The following ADGRL3 variants were observed in gnomAD, a reference collection of about 807,000 sequenced individuals.
The protein encoded by ADGRL3 is adhesion G protein-coupled receptor L3, also known as calcium-independent alpha-latrotoxin receptor 3.
In ADGRL3, 62 loss-of-function variants were observed where a neutral mutation model predicts 153.5. The ratio of observed to expected loss-of-function variants is 0.40; its 90% CI spans 0.33 to 0.50. ADGRL3 has a LOEUF of 0.50. Among genes scored for constraint, ADGRL3 ranks in the 20% least tolerant of loss-of-function variants. The pLI is 0.47. For missense variants in ADGRL3, 1,641 were observed against 1,859.4 expected (o/e 0.88, Z 2.16); for synonymous variants, 710 against 672.5 (o/e 1.06, Z -0.86).
chr4:61,246,048 A>G (rs139981102), intron 1 of ADGRL3, among the ~76,000 whole-genome samples: 3 of 152,086 alleles, frequency 2.0e-5, no homozygotes, highest in African/African-American at 7.2e-5. Context: ...CACCCTTATC[A>G]TCACTTTTCT....
In ADGRL3 at chr4:62,070,734, T is replaced by C; in HGVS notation, c.4458T>C (p.Asp1486=). Residue 1486 remains aspartate (D), a synonymous_variant, in exon 27 of 27, where the codon GAT becomes GAC. Transcript: ENST00000683033. ...PPPAKCGDAE[D]VYYKSMPNLG... ...CGGCCAAATGTGGTGATGCCGAAGATGTTTACTACAAAAGCATGCCAAACC... is the reference window on the plus strand; with the variant it reads ...CGGCCAAATGTGGTGATGCCGAAGACGTTTACTACAAAAGCATGCCAAACC... 2.6e-6 allele frequency: 4 copies of C among 1,551,654 alleles called. No individual in the cohort carries two copies. Among genetic ancestry groups the C allele is most frequent in the Non-Finnish European group, 1.7e-6 (2 of 1,146,970 alleles).
At chr4:62,059,037 G>C (rs1738608481) in intron 25 of ADGRL3, among the ~76,000 whole-genome samples, 1 of 152,192 alleles carries the variant, frequency 6.6e-6, no homozygotes, top group South Asian at 2.1e-4. Context: ...CAGCAAGCTA[G>C]GTTTTGTTTT....
Position 61,979,112 on chromosome 4 carries a change from A to G in ADGRL3, c.2806-451A>G, listed in dbSNP as rs578179343. Among the ~76,000 whole-genome samples the G allele has an allele frequency of 1.0e-3, 158 of 152,158 alleles. No individual in the cohort carries two copies. In the South Asian group the frequency reaches 0.026, roughly 25 times the overall value. On this transcript the variant is annotated intron_variant, in intron 17 of 26. Transcript: ENST00000683033. ...AAGGAATTGCATTTTTAATTTTAAA[A>G]CTCCTTAGATGATTCAAAAATTAGT...
intron 2 of ADGRL3, among the ~76,000 whole-genome samples, chr4:61,461,366 G>T (rs928031589): frequency 2.6e-5 from 4 of 152,058 alleles, no homozygotes; most frequent in Non-Finnish European, 4.4e-5. Context: ...ATAGCTAAAA[G>T]ACAAGATTTG....
chr4:61,748,507 C>A lies in ADGRL3; in HGVS notation c.1399+14953C>A, dbSNP rs368320085. Among the ~76,000 whole-genome samples, 463 of 152,072 alleles carry A rather than the reference C, an allele frequency of 3.0e-3. 2 individuals carry two copies. Among genetic ancestry groups the A allele is most frequent in the African/African-American group, 0.01 (425 of 41,418 alleles). On this transcript the variant is annotated intron_variant, in intron 8 of 26. Coordinates refer to ENST00000683033, the MANE Select transcript of ADGRL3 (RefSeq NM_001387552.1). ...AAACAGCATGGTACTGGTACCAAAA[C>A]AGAGATATAGATCAATGGAACAGAT...
At chr4:61,967,851 G>A (rs1238296907) in intron 17 of ADGRL3, among the ~76,000 whole-genome samples, 3 of 152,190 alleles carry the variant, frequency 2.0e-5, no homozygotes, top group African/African-American at 7.2e-5. Flanking sequence ...GAATGTCACA[G>A]ACTGGTTAAT....
intron 11 of ADGRL3, among the ~76,000 whole-genome samples, chr4:61,898,073 C>T (rs1249894379): frequency 1.3e-5 from 2 of 152,134 alleles, no homozygotes. Context: ...CCTGACCTTA[C>T]TTACCCTCCA....
chr4:61,774,765 T>A (rs1387177680), intron 8 of ADGRL3, among the ~76,000 whole-genome samples: 1 of 152,224 alleles, frequency 6.6e-6, no homozygotes, highest in Non-Finnish European at 1.5e-5. Context: ...GTTAATCTCT[T>A]ACTGTGCCTA....
rs1003064112 is a variant in ADGRL3, at chr4:61,483,641, G to A, written c.-173-13480G>A. Among the ~76,000 whole-genome samples, 3 of 152,120 alleles carry A rather than the reference G, an allele frequency of 2.0e-5. No individual in the cohort carries two copies. The South Asian group carries it at 6.2e-4, about 32-fold the overall frequency. On this transcript the variant is annotated intron_variant, in intron 2 of 26. Transcript: ENST00000683033. ...AATCCCAGCTACTCGGGAGGCTGAG[G>A]CAGGATAATTGCTTGAACTCGGGAA... is the stretch of plus-strand genomic sequence containing the variant.
chr4:61,399,320 G>T (rs1411147483), intron 2 of ADGRL3, among the ~76,000 whole-genome samples: 1 of 151,538 alleles, frequency 6.6e-6, no homozygotes, highest in African/African-American at 2.4e-5. Context: ...TTAGTAAAGT[G>T]CACTGCTTAT....
At chr4:61,455,043 A>C (rs1218553938) in intron 2 of ADGRL3, among the ~76,000 whole-genome samples, 1 of 152,186 alleles carries the variant, frequency 6.6e-6, no homozygotes, top group Non-Finnish European at 1.5e-5. Context: ...ACAAAAAAAC[A>C]ACCCAAATGA....
chr4:61,449,169 C>T (rs917618888), intron 2 of ADGRL3, among the ~76,000 whole-genome samples: 38 of 151,852 alleles, frequency 2.5e-4, no homozygotes, highest in Non-Finnish European at 5.0e-4. Context: ...CGGAGTCTCA[C>T]TCTGTCGCCA....
intron 6 of ADGRL3, among the ~76,000 whole-genome samples, chr4:61,723,827 A>G (rs751782473): frequency 1.3e-5 from 2 of 152,160 alleles, no homozygotes; most frequent in Non-Finnish European, 2.9e-5. Flanking sequence ...CTTTTTATTA[A>G]AAGAAAAAGC....
intron 5 of ADGRL3, among the ~76,000 whole-genome samples, chr4:61,629,447 G>T (rs761682919): frequency 6.6e-6 from 1 of 151,654 alleles, no homozygotes; most frequent in African/African-American, 2.4e-5. Context: ...GGCCAGGCGC[G>T]GTGGTTCACG....
intron 4 of ADGRL3, among the ~76,000 whole-genome samples, chr4:61,571,520 C>T (rs1017069683): frequency 6.6e-6 from 1 of 151,670 alleles, no homozygotes; most frequent in Non-Finnish European, 1.5e-5. Flanking sequence ...AAAAATAAAA[C>T]ATAAAAAGTC....
chr4:61,432,646 CTTTCTTTCTTTTT>C (rs2097383187), intron 2 of ADGRL3, among the ~76,000 whole-genome samples: 1 of 10,618 alleles, frequency 9.4e-5, no homozygotes, highest in African/African-American at 2.7e-4. Context: ...TTCTTTCTTT[CTTTCTTTCTTTTT>C]TTTTTTTTTT....
At position 61,590,433 on chromosome 4, in the gene ADGRL3, T is replaced by C. The variant is rs142478137; in HGVS notation, c.473+2993T>C. On this transcript the variant is annotated intron_variant, in intron 5 of 26. Transcript: ENST00000683033. ...AAATCTAAATATGAAAATTACAGTT[T>C]AGCAACTGGATAACTTTAGAAATTT... Among the ~76,000 whole-genome samples, 684 of 152,224 alleles carry C rather than the reference T, an allele frequency of 4.5e-3. 6 individuals are homozygous for C. Among genetic ancestry groups the C allele is most frequent in the African/African-American group, 0.015 (643 of 41,568 alleles).
intron 5 of ADGRL3, among the ~76,000 whole-genome samples, chr4:61,612,434 G>A (rs2091476257): frequency 6.6e-6 from 1 of 152,088 alleles, no homozygotes; most frequent in African/African-American, 2.4e-5. Flanking sequence ...TTATTTCTGT[G>A]TTTTGTCCTG....
At chr4:61,481,414 A>G (rs1226120199) in intron 2 of ADGRL3, among the ~76,000 whole-genome samples, 1 of 152,164 alleles carries the variant, frequency 6.6e-6, no homozygotes, top group African/African-American at 2.4e-5. Flanking sequence ...TAAAAGGCCG[A>G]AAAGAGCCAC....
Sources: gnomAD v4.1 joint callset for allele counts (sites outside exome capture counted in the v4.1 genomes callset) on GRCh38, gnomAD v4.1.1 for gene constraint, MANE v1.5 for transcripts, NCBI Gene and HGNC (gene_info 2026-07-23, HGNC 2026-07-21) for gene names.